Variants in NIPAL2 observed in about 807,000 individuals in gnomAD.
NIPAL2 encodes the protein NIPA-like protein 2.
In NIPAL2, 43 loss-of-function variants were observed where a neutral mutation model predicts 48.9. That is an observed-to-expected ratio of 0.88 (90% CI 0.69 to 1.13). The LOEUF (loss-of-function observed/expected upper bound fraction) is 1.13. NIPAL2 is among the 50% of genes most tolerant of loss of function. The pLI is 0.00. For synonymous variants in NIPAL2, 167 were observed against 174.6 expected (o/e 0.96, Z 0.34); for missense variants, 446 against 461.4 (o/e 0.97, Z 0.31).
intron 10 of NIPAL2, 113 bp downstream of exon 10, chr8:98,194,615 A>AC: frequency 1.9e-6 from 1 of 529,438 alleles, no homozygotes; most frequent in Admixed American, 3.9e-5. Flanking sequence ...TATTAAATGT[A>AC]CATTTTTTAG....
At chr8:98,261,530 A>G (rs1276058417) in intron 1 of NIPAL2, among the ~76,000 whole-genome samples, 35 of 139,302 alleles carry the variant, frequency 2.5e-4, no homozygotes, top group South Asian at 5.1e-4. Context: ...GGGTATCAGC[A>G]ATGGAAGATG....
At chr8:98,243,599 C>T (rs1813112898) in intron 3 of NIPAL2, among the ~76,000 whole-genome samples, 1 of 152,096 alleles carries the variant, frequency 6.6e-6, no homozygotes, top group Non-Finnish European at 1.5e-5. Flanking sequence ...GCTCTAAGAC[C>T]CATAGCAGGC....
intron 8 of NIPAL2, 55 bp downstream of exon 8, chr8:98,203,052 TG>T: frequency 7.5e-7 from 1 of 1,328,824 alleles, no homozygotes; most frequent in Non-Finnish European, 1.1e-6. Flanking sequence ...TCATTTACTC[TG>T]GGAGAAACTT....
At chr8:98,250,336 G>A (rs79787885) in intron 3 of NIPAL2, among the ~76,000 whole-genome samples, 6,583 of 152,202 alleles carry the variant, frequency 0.043, 243 homozygotes, top group East Asian at 0.21. Flanking sequence ...AGAGACATCT[G>A]GTTTATACTT....
In NIPAL2 at chr8:98,229,225, A is replaced by G. The variant is rs563011973; in HGVS notation, c.437-6625T>C. ...TCTATAATCGTCTGGTGGGAATCTT[A>G]GATTTAGCTTGATAACATACACAAA... is the stretch of plus-strand genomic sequence containing the variant. On this transcript the variant is annotated intron_variant, in intron 4 of 10. Coordinates refer to ENST00000430223, the MANE Select transcript of NIPAL2 (RefSeq NM_001321635.2). 3.3e-5 allele frequency among the ~76,000 whole-genome samples: 5 copies of G among 152,344 alleles called. No homozygotes were observed. The South Asian group carries it at 1.0e-3, about 32-fold the overall frequency.
At chr8:98,216,546 A>G (rs1288458396) in intron 5 of NIPAL2, among the ~76,000 whole-genome samples, 1 of 152,228 alleles carries the variant, frequency 6.6e-6, no homozygotes, top group Non-Finnish European at 1.5e-5. Flanking sequence ...TTAGGTTTCT[A>G]ATACCTGATG....
chr8:98,271,869 C>T (rs1195846839), intron 1 of NIPAL2, among the ~76,000 whole-genome samples: 1 of 151,204 alleles, frequency 6.6e-6, no homozygotes, highest in East Asian at 1.9e-4. Flanking sequence ...TCCTTTGGTG[C>T]CTAGTTTGTT....
rs1462607856 is a variant in NIPAL2 at position 98,242,499 on chromosome 8, T to TTTTTTTTTTTTG, written c.377-6286_377-6285insCAAAAAAAAAAA. Reference sequence around the variant, plus strand: ...ACTGCACCTGACAGATTTTTTTTTTTTTTTTTTTAACTGAGCCTGGCTCTG... The same window carrying TTTTTTTTTTTTG: ...ACTGCACCTGACAGATTTTTTTTTTTTTTTTTTTTTTGTTTTTTTTAACTGAGCCTGGCTCTG... On this transcript the variant is annotated intron_variant, in intron 3 of 10. Coordinates refer to ENST00000430223, the MANE Select transcript of NIPAL2 (RefSeq NM_001321635.2). Among the ~76,000 whole-genome samples the TTTTTTTTTTTTG allele has an allele frequency of 4.0e-5, 6 of 148,680 alleles. No homozygotes were observed. The East Asian group carries it at 5.9e-4, about 14-fold the overall frequency.
Position 98,237,253 on chromosome 8 carries a change from T to C in NIPAL2, c.377-1039A>G, listed in dbSNP as rs145267949. ...TATTTTTAGAAATGGGGTCTCACTATGTTGCCCAGGCTGGTGTCAAACTCC... is the reference window on the plus strand; with the variant it reads ...TATTTTTAGAAATGGGGTCTCACTACGTTGCCCAGGCTGGTGTCAAACTCC... On this transcript the variant is annotated intron_variant, in intron 3 of 10. Transcript: ENST00000430223. 7.2e-3 allele frequency among the ~76,000 whole-genome samples: 1,094 copies of C among 152,148 alleles called. 20 individuals carry two copies. Among genetic ancestry groups the C allele is most frequent in the African/African-American group, 0.025 (1,042 of 41,510 alleles).
Position 98,190,881 on chromosome 8 carries a change from A to G in NIPAL2, c.*2097T>C, listed in dbSNP as rs924048718. On this transcript the variant is annotated 3_prime_UTR_variant, in exon 11 of 11. Coordinates refer to ENST00000430223, the MANE Select transcript of NIPAL2 (RefSeq NM_001321635.2). ...ACTCACAATGCCAAGAGAAGGACTG[A>G]GTTGGCTTTAGTTGTTGTCATGCAC... is the stretch of plus-strand genomic sequence containing the variant. 6.0e-4 allele frequency: 91 copies of G among 152,212 alleles called. 3 individuals carry two copies. Among genetic ancestry groups the G allele is most frequent in the Non-Finnish European group, 1.5e-5 (1 of 68,042 alleles). The allele number at this position is 152,212 out of a possible 1,614,324, so 9.4% of individuals were successfully genotyped here.
intron 3 of NIPAL2, among the ~76,000 whole-genome samples, chr8:98,243,029 C>A (rs187551664): frequency 1.3e-5 from 2 of 152,116 alleles, no homozygotes; most frequent in African/African-American, 4.8e-5. Context: ...GGGGGCAGGG[C>A]GGAGGAAGAC....
At chr8:98,200,249 A>G (rs1425728193) in intron 8 of NIPAL2, among the ~76,000 whole-genome samples, 1 of 152,170 alleles carries the variant, frequency 6.6e-6, no homozygotes, top group East Asian at 1.9e-4. Flanking sequence ...AATTTCCAGA[A>G]CTTTTTCATC....
chr8:98,192,922 C>T lies in NIPAL2; in HGVS notation c.*56G>A. ...GCTGCTGACACAAATTGAACATGTGCAATTTTTTAAAAAGGTGGTATCGAA... is the reference window on the plus strand; with the variant it reads ...GCTGCTGACACAAATTGAACATGTGTAATTTTTTAAAAAGGTGGTATCGAA... On this transcript the variant is annotated 3_prime_UTR_variant, in exon 11 of 11. Transcript: ENST00000430223. The T allele has an allele frequency of 9.2e-7, 1 of 1,090,582 alleles. No individual in the cohort carries two copies. The highest frequency in any genetic ancestry group is 1.5e-5 in the African/African-American group (1 of 64,640). 67.6% of individuals were successfully genotyped at this position (1,090,582 alleles called of 1,614,324 possible). A position where few individuals can be genotyped will look rare whatever the true frequency, so the allele number is the denominator to read the frequency against.
chr8:98,222,086 A>G (rs1192313722), intron 5 of NIPAL2, among the ~76,000 whole-genome samples: 3 of 152,234 alleles, frequency 2.0e-5, no homozygotes, highest in Admixed American at 6.5e-5. Flanking sequence ...CATATACACC[A>G]TGGAATACTA....
chr8:98,258,272 T>A (rs761431846), intron 1 of NIPAL2, among the ~76,000 whole-genome samples: 6 of 152,254 alleles, frequency 3.9e-5, no homozygotes, highest in Middle Eastern at 3.4e-3. Flanking sequence ...GGTATAAAGC[T>A]GGGATAGATG....
chr8:98,266,210 C>T (rs1363355465), intron 1 of NIPAL2, among the ~76,000 whole-genome samples: 1 of 148,802 alleles, frequency 6.7e-6, no homozygotes, highest in Non-Finnish European at 1.5e-5. Flanking sequence ...TGCAGTGCAC[C>T]AGCATGGCAC....
At chr8:98,214,488 G>T (rs1394111297) in intron 5 of NIPAL2, among the ~76,000 whole-genome samples, 1 of 152,050 alleles carries the variant, frequency 6.6e-6, no homozygotes, top group Non-Finnish European at 1.5e-5. Flanking sequence ...TGACGAGATG[G>T]TATTCTTGGG....
intron 7 of NIPAL2, among the ~76,000 whole-genome samples, chr8:98,204,168 T>C (rs928336478): frequency 1.3e-5 from 2 of 152,178 alleles, no homozygotes; most frequent in Admixed American, 6.5e-5. Flanking sequence ...ACTGTGGCAG[T>C]ACCAATTAAT....
chr8:98,218,403 T>C (rs550680362), intron 5 of NIPAL2, among the ~76,000 whole-genome samples: 1 of 152,148 alleles, frequency 6.6e-6, no homozygotes, highest in Non-Finnish European at 1.5e-5. Context: ...AAGAACTGAG[T>C]GTGGCATAAA....
Sources: gnomAD v4.1 joint callset for allele counts (sites outside exome capture counted in the v4.1 genomes callset) on GRCh38, gnomAD v4.1.1 for gene constraint, MANE v1.5 for transcripts, NCBI Gene and HGNC (gene_info 2026-07-23, HGNC 2026-07-21) for gene names.